The following TMEM132D variants were observed in gnomAD, a reference collection of about 807,000 sequenced individuals.
TMEM132D encodes the protein transmembrane protein 132D.
Under a neutral mutation model 62.3 loss-of-function variants are expected in TMEM132D, and 21 were observed. The ratio of observed to expected loss-of-function variants is 0.34; its 90% CI spans 0.24 to 0.49. The LOEUF is 0.49. TMEM132D is among the 20% of genes least tolerant of loss of function. The pLI, the probability that TMEM132D is intolerant of heterozygous loss-of-function variation, is 0.99. For synonymous variants in TMEM132D, 621 were observed against 575.6 expected (o/e 1.08, Z -1.13); for missense variants, 1,346 against 1,402.8 (o/e 0.96, Z 0.65).
chr12:129,396,146 A>T (rs1871422610), intron 3 of TMEM132D, among the ~76,000 whole-genome samples: 1 of 148,466 alleles, frequency 6.7e-6, no homozygotes, highest in South Asian at 2.1e-4. Context: ...TCAATAAAAA[A>T]TAGTGGAATA....
intron 1 of TMEM132D, among the ~76,000 whole-genome samples, chr12:129,727,880 C>T (rs2137249728): frequency 6.6e-6 from 1 of 152,068 alleles, no homozygotes. Context: ...AAAAAAGAGA[C>T]CCCTATTAAC....
chr12:129,711,928 A>AAAAG (rs968580732), intron 1 of TMEM132D, among the ~76,000 whole-genome samples: 72 of 151,640 alleles, frequency 4.7e-4, no homozygotes, highest in African/African-American at 1.7e-3. Flanking sequence ...GGGTTGTGCT[A>AAAAG]AAAGTGAGAG....
intron 2 of TMEM132D, among the ~76,000 whole-genome samples, chr12:129,590,977 C>A (rs564425694): frequency 1.3e-5 from 2 of 152,014 alleles, no homozygotes; most frequent in Non-Finnish European, 2.9e-5. Context: ...ACAGTGGTCA[C>A]GCTGACCATG....
intron 4 of TMEM132D, among the ~76,000 whole-genome samples, chr12:129,271,603 C>T (rs1880855316): frequency 6.6e-6 from 1 of 151,546 alleles, no homozygotes; most frequent in Non-Finnish European, 1.5e-5. Context: ...ATGTTCCCCT[C>T]CCTGTGTCCA....
At chr12:129,188,762 GGAGAGAGAGAGAGAGAGAGAGA>G (rs569138938) in intron 5 of TMEM132D, among the ~76,000 whole-genome samples, 14 of 126,224 alleles carry the variant, frequency 1.1e-4, no homozygotes, top group African/African-American at 3.8e-4. Context: ...AGGGAGAGAG[GGAGAGAGAGAGAGAGAGAGAGA>G]GAGAGAGAGA....
chr12:129,770,915 C>T (rs1593155540), intron 1 of TMEM132D, among the ~76,000 whole-genome samples: 2 of 152,198 alleles, frequency 1.3e-5, no homozygotes, highest in Middle Eastern at 3.2e-3. Flanking sequence ...GTCAAACCAT[C>T]GTAAGCCGAG....
intron 2 of TMEM132D, among the ~76,000 whole-genome samples, chr12:129,535,750 T>C (rs1876363779): frequency 6.6e-6 from 1 of 150,384 alleles, no homozygotes; most frequent in Non-Finnish European, 1.5e-5. Context: ...GTTTTGTTTG[T>C]TGGGAGATTC....
intron 4 of TMEM132D, among the ~76,000 whole-genome samples, chr12:129,293,693 C>G (rs1485308984): frequency 6.6e-6 from 1 of 152,132 alleles, no homozygotes; most frequent in Non-Finnish European, 1.5e-5. Flanking sequence ...CAACCTAGAT[C>G]CCTCGCATGT....
intron 1 of TMEM132D, among the ~76,000 whole-genome samples, chr12:129,886,311 A>G (rs980478004): frequency 2.0e-5 from 3 of 152,214 alleles, no homozygotes; most frequent in African/African-American, 7.2e-5. Flanking sequence ...TCATAGTAAG[A>G]CCGGAGATGG....
chr12:129,378,198 G>T (rs1330726292), intron 3 of TMEM132D, among the ~76,000 whole-genome samples: 1 of 152,224 alleles, frequency 6.6e-6, no homozygotes, highest in African/African-American at 2.4e-5. Context: ...CCTGAAAGGG[G>T]ATTGTAATTA....
At chr12:129,200,333 C>T (rs1338027518) in intron 5 of TMEM132D, among the ~76,000 whole-genome samples, 1 of 152,198 alleles carries the variant, frequency 6.6e-6, no homozygotes, top group Admixed American at 6.5e-5. Context: ...CAGAGATACT[C>T]CTTCACTAAT....
At chr12:129,327,406 CA>C (rs1390033857) in intron 4 of TMEM132D, among the ~76,000 whole-genome samples, 6 of 152,200 alleles carry the variant, frequency 3.9e-5, no homozygotes, top group African/African-American at 1.4e-4. Flanking sequence ...TAGCCACTAG[CA>C]CACATGGCTG....
At chr12:129,345,440 G>A (rs1869649098) in intron 3 of TMEM132D, among the ~76,000 whole-genome samples, 1 of 152,160 alleles carries the variant, frequency 6.6e-6, no homozygotes, top group African/African-American at 2.4e-5. Flanking sequence ...CGAACACTGG[G>A]ACCAGTTTCA....
At chr12:129,415,443 G>A (rs1030246609) in intron 3 of TMEM132D, among the ~76,000 whole-genome samples, 8 of 152,186 alleles carry the variant, frequency 5.3e-5, no homozygotes, top group Non-Finnish European at 1.0e-4. Context: ...AGGCCGAAAA[G>A]AAGTTCTGTT....
At chr12:129,895,623 C>A (rs1875082174) in intron 1 of TMEM132D, among the ~76,000 whole-genome samples, 1 of 152,182 alleles carries the variant, frequency 6.6e-6, no homozygotes, top group African/African-American at 2.4e-5. Flanking sequence ...TGCCTGGTCA[C>A]CTCATACGAA....
rs139803532 is a variant in TMEM132D, at chr12:129,383,902, C to T, written c.1116-46085G>A. 7.5e-3 allele frequency among the ~76,000 whole-genome samples: 1,140 copies of T among 152,278 alleles called. 16 individuals carry two copies. Among genetic ancestry groups the T allele is most frequent in the African/African-American group, 0.026 (1,074 of 41,544 alleles). ...TCAGTCTGGGCAGGCCCAGGTCATC[C>T]CTGGATAATTCCCATAAGGACCCGG... On this transcript the variant is annotated intron_variant, in intron 3 of 8. Coordinates refer to ENST00000422113, the MANE Select transcript of TMEM132D (RefSeq NM_133448.3).
intron 5 of TMEM132D, among the ~76,000 whole-genome samples, chr12:129,120,710 T>C (rs1876032951): frequency 6.6e-6 from 1 of 152,208 alleles, no homozygotes; most frequent in Non-Finnish European, 1.5e-5. Context: ...TTCTCCTGGC[T>C]TTAACAATTG....
intron 1 of TMEM132D, among the ~76,000 whole-genome samples, chr12:129,877,610 C>CGT (rs1874462237): frequency 1.1e-5 from 1 of 92,500 alleles, no homozygotes; most frequent in African/African-American, 3.3e-5. Flanking sequence ...AACGCGCGCG[C>CGT]GCGCACACAC....
chr12:129,325,998 G>A (rs969191080), intron 4 of TMEM132D, among the ~76,000 whole-genome samples: 1 of 152,170 alleles, frequency 6.6e-6, no homozygotes, highest in South Asian at 2.1e-4. Context: ...GAGGCCCCCC[G>A]GGACTCTGAA....
Sources: gnomAD v4.1 joint callset for allele counts (sites outside exome capture counted in the v4.1 genomes callset) on GRCh38, gnomAD v4.1.1 for gene constraint, MANE v1.5 for transcripts, NCBI Gene and HGNC (gene_info 2026-07-23, HGNC 2026-07-21) for gene names.